SCMH1: variants seen among roughly 807,000 people sequenced by gnomAD.
SCMH1 encodes the protein Scm polycomb group protein homolog 1.
A neutral mutation model predicts 70.8 loss-of-function variants in SCMH1; 37 were observed. The ratio of observed to expected loss-of-function variants is 0.52; its 90% confidence interval spans 0.40 to 0.69. The LOEUF is 0.69. SCMH1 is among the 30% of genes least tolerant of loss of function. The pLI is 0.00. For missense variants in SCMH1, 607 were observed against 827.3 expected, an observed-to-expected ratio of 0.73 and a Z score of 3.27; for synonymous variants, 292 against 307.4, an observed-to-expected ratio of 0.95 and a Z score of 0.52.
intron 10 of SCMH1, among the ~76,000 whole-genome samples, chr1:41,051,848 T>C (rs965544601): frequency 6.6e-6 from 1 of 152,154 alleles, no homozygotes; most frequent in Non-Finnish European, 1.5e-5. Flanking sequence ...AAAAAAAATT[T>C]AGTGTAGCCA....
In SCMH1 at chr1:41,113,635, T is replaced by C. The variant is rs1248230385; in HGVS notation, c.502-109A>G. 37 of 1,124,264 alleles carry C rather than the reference T, an allele frequency of 3.3e-5. No individual in the cohort carries two copies. Among genetic ancestry groups the C allele is most frequent in the Non-Finnish European group, 4.6e-5 (37 of 808,916 alleles). The allele number at this position is 1,124,264 out of a possible 1,614,324, so 69.6% of individuals were successfully genotyped here. On this transcript the variant is annotated intron_variant, in intron 7 of 14. Transcript: ENST00000337495. This position sits in a 1 kb window ranked among gnomAD's most constrained non-coding sequence, Gnocchi z 4.3. Reference sequence around the variant, plus strand: ...AAAAGTGACTGCTACATGAGACTTATAATGGATATATAGCCTTTCTTTTAA... The same window carrying C: ...AAAAGTGACTGCTACATGAGACTTACAATGGATATATAGCCTTTCTTTTAA...
At chr1:41,172,726 A>C (rs12127030) in intron 2 of SCMH1, among the ~76,000 whole-genome samples, 35,755 of 152,162 alleles carry the variant, frequency 0.23, 5,030 homozygotes, top group Non-Finnish European at 0.31. Context: ...CAGTACTGGC[A>C]TAAGAACACA....
At chr1:41,195,240 C>G (rs1168418353) in intron 1 of SCMH1, among the ~76,000 whole-genome samples, 1 of 147,658 alleles carries the variant, frequency 6.8e-6, no homozygotes, top group African/African-American at 2.5e-5. Flanking sequence ...TAATACCGAT[C>G]ATACAGAAAT....
At chr1:41,194,774 A>T (rs1382785071) in intron 1 of SCMH1, among the ~76,000 whole-genome samples, 2 of 152,244 alleles carry the variant, frequency 1.3e-5, no homozygotes, top group African/African-American at 4.8e-5. Flanking sequence ...AATGAGAATC[A>T]GATTTCTTGG....
intron 1 of SCMH1, among the ~76,000 whole-genome samples, chr1:41,210,512 A>G (rs1471189604): frequency 6.6e-6 from 1 of 152,210 alleles, no homozygotes; most frequent in Admixed American, 6.5e-5. Context: ...AAACAGATGT[A>G]TAGACCAATG....
At chr1:41,220,865 T>G (rs1163600325) in intron 1 of SCMH1, among the ~76,000 whole-genome samples, 1 of 152,200 alleles carries the variant, frequency 6.6e-6, no homozygotes, top group African/African-American at 2.4e-5. Flanking sequence ...TTGACACAGG[T>G]TGGAACCAGG....
At chr1:41,066,213 C>A (rs925091822) in intron 10 of SCMH1, among the ~76,000 whole-genome samples, 1 of 152,184 alleles carries the variant, frequency 6.6e-6, no homozygotes, top group Non-Finnish European at 1.5e-5. Flanking sequence ...AGTGCAAGCT[C>A]CTCCCCTGGA....
intron 13 of SCMH1, among the ~76,000 whole-genome samples, chr1:41,032,978 CAAA>C (rs1327396809): frequency 1.3e-4 from 9 of 68,974 alleles, no homozygotes; most frequent in Admixed American, 3.2e-4. Flanking sequence ...GACTCTGTCT[CAAA>C]AAAAAAAAAA....
At chr1:41,145,425 C>T (rs1644465105) in intron 5 of SCMH1, among the ~76,000 whole-genome samples, 1 of 152,108 alleles carries the variant, frequency 6.6e-6, no homozygotes, top group Non-Finnish European at 1.5e-5. Flanking sequence ...ATCTATATGT[C>T]TATTTTCCTG....
intron 1 of SCMH1, among the ~76,000 whole-genome samples, chr1:41,195,206 T>C (rs574669326): frequency 2.7e-5 from 4 of 149,516 alleles, no homozygotes; most frequent in Non-Finnish European, 5.9e-5. Flanking sequence ...GTGGCCTCTA[T>C]TGAAACATGA....
intron 1 of SCMH1, among the ~76,000 whole-genome samples, chr1:41,220,375 T>A (rs1245146442): frequency 6.6e-6 from 1 of 152,248 alleles, no homozygotes; most frequent in African/African-American, 2.4e-5. Context: ...TTTTCCCAAA[T>A]AATGTTATGT....
intron 10 of SCMH1, among the ~76,000 whole-genome samples, chr1:41,064,487 A>G (rs550647638): frequency 1.1e-4 from 16 of 152,366 alleles, no homozygotes; most frequent in Non-Finnish European, 1.8e-4. Context: ...TATGCAGAGA[A>G]TATGAAATAA....
intron 8 of SCMH1, among the ~76,000 whole-genome samples, chr1:41,091,819 G>A (rs1240477590): frequency 6.6e-6 from 1 of 152,188 alleles, no homozygotes; most frequent in Non-Finnish European, 1.5e-5. Flanking sequence ...TACAAAGGAT[G>A]TGAAGGACCT....
At chr1:41,059,780 C>G (rs1200989241) in intron 10 of SCMH1, among the ~76,000 whole-genome samples, 1 of 152,136 alleles carries the variant, frequency 6.6e-6, no homozygotes, top group Non-Finnish European at 1.5e-5. Flanking sequence ...AAGTGCTTAT[C>G]CTAGCTCCTG....
intron 6 of SCMH1, among the ~76,000 whole-genome samples, chr1:41,122,749 T>C (rs889852489): frequency 3.9e-5 from 6 of 152,280 alleles, no homozygotes; most frequent in Middle Eastern, 3.4e-3. Context: ...CAAAGTCAGA[T>C]CTCTTTTAAT....
chr1:41,232,893 C>G (rs1417443152), intron 1 of SCMH1, among the ~76,000 whole-genome samples: 1 of 152,088 alleles, frequency 6.6e-6, no homozygotes, highest in Non-Finnish European at 1.5e-5. Flanking sequence ...ATTTCACATG[C>G]CTTTTGCTTT....
intron 10 of SCMH1, among the ~76,000 whole-genome samples, chr1:41,064,764 T>A (rs11588210): frequency 6.6e-6 from 1 of 150,810 alleles, no homozygotes; most frequent in Non-Finnish European, 1.5e-5. Flanking sequence ...AAAATAAAAA[T>A]AAAAAAATTA....
chr1:41,158,718 T>C (rs1433112575), intron 4 of SCMH1, among the ~76,000 whole-genome samples: 1 of 152,104 alleles, frequency 6.6e-6, no homozygotes, highest in African/African-American at 2.4e-5. Context: ...CTGGCTGTAG[T>C]GTAAAGAATG....
At chr1:41,170,668 C>T (rs1336411227) in intron 2 of SCMH1, among the ~76,000 whole-genome samples, 1 of 152,198 alleles carries the variant, frequency 6.6e-6, no homozygotes, top group African/African-American at 2.4e-5. Context: ...TAATCCCACA[C>T]ATATCCCTCC....
Sources: allele counts gnomAD v4.1 joint callset (sites outside exome capture counted in the v4.1 genomes callset), GRCh38; gene constraint gnomAD v4.1.1; non-coding constraint Gnocchi (gnomAD v3.1); transcripts MANE v1.5; gene names NCBI Gene and HGNC (gene_info 2026-07-23, HGNC 2026-07-21).